The following GALNTL6 variants were observed in gnomAD, a reference collection of about 807,000 sequenced individuals.
GALNTL6 encodes the protein polypeptide N-acetylgalactosaminyltransferase-like 6.
A neutral mutation model predicts 73.7 loss-of-function variants in GALNTL6; 46 were observed. The observed-to-expected ratio is 0.62, with a 90% CI of 0.49 to 0.80. The LOEUF (loss-of-function observed/expected upper bound fraction) is 0.80, where lower values mean the gene tolerates loss of function less well. GALNTL6 is among the 30% of genes least tolerant of loss of function. The pLI, the probability that GALNTL6 is intolerant of heterozygous loss-of-function variation, is 0.00. For missense variants in GALNTL6, 604 were observed against 755.0 expected (o/e 0.80, Z 2.34); for synonymous variants, 259 against 263.7 (o/e 0.98, Z 0.17).
chr4:171,884,549 A>G (rs2110916637), intron 2 of GALNTL6, among the ~76,000 whole-genome samples: 1 of 151,688 alleles, frequency 6.6e-6, no homozygotes, highest in African/African-American at 2.4e-5. Context: ...ATATAACTAT[A>G]TATGTAGTTG....
intron 2 of GALNTL6, among the ~76,000 whole-genome samples, chr4:172,063,043 T>C (rs57381936): frequency 0.088 from 13,402 of 152,272 alleles, 734 homozygotes; most frequent in East Asian, 0.24. Context: ...CTACCAGCTG[T>C]TGGCACCAGA....
At chr4:172,826,745 A>G (rs2111040825) in intron 7 of GALNTL6, among the ~76,000 whole-genome samples, 1 of 152,328 alleles carries the variant, frequency 6.6e-6, no homozygotes, top group South Asian at 2.1e-4. Flanking sequence ...ATCTCAGGTC[A>G]CTGGACAGCA....
At chr4:172,382,607 G>A (rs895923125) in intron 5 of GALNTL6, among the ~76,000 whole-genome samples, 23 of 151,994 alleles carry the variant, frequency 1.5e-4, no homozygotes, top group African/African-American at 5.1e-4. Context: ...TTTTGATAAA[G>A]TTCAATTTCC....
rs192217839 is a variant in GALNTL6 at position 172,492,839 on chromosome 4, G to A, written c.553+144150G>A. On this transcript the variant is annotated intron_variant, in intron 5 of 12. Coordinates refer to ENST00000506823, the MANE Select transcript of GALNTL6 (RefSeq NM_001034845.3). ...TTTTAATCTTATTTATTAAATAAAA[G>A]TCATGGTTGGGGAAGTACGTTTATC... Among the ~76,000 whole-genome samples, 16 of 152,222 alleles carry A rather than the reference G, an allele frequency of 1.1e-4. No individual in the cohort carries two copies. The East Asian group carries it at 1.5e-3, about 15-fold the overall frequency.
intron 5 of GALNTL6, among the ~76,000 whole-genome samples, chr4:172,650,006 T>C (rs1427601787): frequency 6.6e-6 from 1 of 152,144 alleles, no homozygotes; most frequent in Non-Finnish European, 1.5e-5. Flanking sequence ...GCATCCTAGG[T>C]ACAGAGGTAT....
rs994011783 is a variant in GALNTL6, at chr4:171,942,241, G to GATAA, written c.138+127547_138+127550dup. 2.2e-3 allele frequency among the ~76,000 whole-genome samples: 67 copies of GATAA among 30,204 alleles called. No individual in the cohort carries two copies. In the South Asian group the frequency reaches 0.03, roughly 14 times the overall value. 19.8% of individuals were successfully genotyped at this position (30,204 alleles called of 152,430 possible). A position where few individuals can be genotyped will look rare whatever the true frequency, so the allele number is the denominator to read the frequency against. ...CCCGGTCTCCAATAAAAAATAAATA[G>GATAA]ATAAATAAATAAATAAATAAATAAA... On this transcript the variant is annotated intron_variant, in intron 2 of 12. Transcript: ENST00000506823.
intron 9 of GALNTL6, among the ~76,000 whole-genome samples, chr4:172,951,069 G>C (rs1749420357): frequency 6.6e-6 from 1 of 152,180 alleles, no homozygotes; most frequent in Non-Finnish European, 1.5e-5. Flanking sequence ...CCACAGAAGA[G>C]TTCCATTAAT....
intron 2 of GALNTL6, among the ~76,000 whole-genome samples, chr4:171,910,025 C>T (rs1202228518): frequency 1.3e-5 from 2 of 152,052 alleles, no homozygotes; most frequent in Non-Finnish European, 2.9e-5. Flanking sequence ...AATATGAATA[C>T]ATGAATAATG....
intron 5 of GALNTL6, among the ~76,000 whole-genome samples, chr4:172,616,957 T>C (rs886615999): frequency 6.6e-6 from 1 of 152,176 alleles, no homozygotes; most frequent in Non-Finnish European, 1.5e-5. Context: ...AGGGACCTCT[T>C]ACCTTTATTC....
At chr4:172,905,880 C>G (rs114055369) in intron 8 of GALNTL6, among the ~76,000 whole-genome samples, 1 of 113,568 alleles carries the variant, frequency 8.8e-6, no homozygotes, top group Middle Eastern at 6.5e-3. Context: ...TTATCCTTAA[C>G]AAAACTGGAA....
At chr4:172,429,567 G>A (rs938488045) in intron 5 of GALNTL6, among the ~76,000 whole-genome samples, 1 of 152,116 alleles carries the variant, frequency 6.6e-6, no homozygotes, top group Admixed American at 6.6e-5. Context: ...CAAAACTAGA[G>A]CATAGCAGAC....
intron 2 of GALNTL6, among the ~76,000 whole-genome samples, chr4:171,880,208 G>A (rs1736399542): frequency 6.6e-6 from 1 of 152,088 alleles, no homozygotes. Context: ...ACCTCCTCTT[G>A]TTCAGCCTGA....
chr4:172,367,069 G>T (rs962106764), intron 5 of GALNTL6, among the ~76,000 whole-genome samples: 3 of 152,150 alleles, frequency 2.0e-5, no homozygotes, highest in African/African-American at 7.2e-5. Flanking sequence ...AGTGGTGGTG[G>T]TCCCCAAACC....
chr4:172,044,399 T>C (rs1197135366), intron 2 of GALNTL6, among the ~76,000 whole-genome samples: 1 of 151,902 alleles, frequency 6.6e-6, no homozygotes, highest in Non-Finnish European at 1.5e-5. Context: ...TTGTTTATAT[T>C]TTTGGTGTTA....
chr4:172,570,990 G>A (rs550027353), intron 5 of GALNTL6, among the ~76,000 whole-genome samples: 1 of 152,122 alleles, frequency 6.6e-6, no homozygotes, highest in Admixed American at 6.5e-5. Context: ...TTGACAGGAG[G>A]TGGAGCTCAG....
chr4:171,823,602 T>G (rs1195348074), intron 2 of GALNTL6, among the ~76,000 whole-genome samples: 1 of 151,192 alleles, frequency 6.6e-6, no homozygotes, highest in African/African-American at 2.4e-5. Context: ...TATATATATA[T>G]ATTATAGATG....
chr4:172,397,496 G>A (rs1174258405), intron 5 of GALNTL6, among the ~76,000 whole-genome samples: 2 of 152,082 alleles, frequency 1.3e-5, no homozygotes, highest in East Asian at 3.9e-4. Context: ...CACCTTATGT[G>A]AGCTGTACAT....
chr4:172,529,700 G>T (rs1418389561), intron 5 of GALNTL6, among the ~76,000 whole-genome samples: 1 of 149,992 alleles, frequency 6.7e-6, no homozygotes, highest in African/African-American at 2.5e-5. Flanking sequence ...TGTTGTTGTT[G>T]TTGAGATGGA....
intron 2 of GALNTL6, among the ~76,000 whole-genome samples, chr4:171,926,095 G>T (rs1002479678): frequency 6.6e-6 from 1 of 151,988 alleles, no homozygotes; most frequent in Non-Finnish European, 1.5e-5. Context: ...TTTATCGAAA[G>T]ACATAAAACA....
Sources: gnomAD v4.1 joint callset for allele counts (sites outside exome capture counted in the v4.1 genomes callset) on GRCh38, gnomAD v4.1.1 for gene constraint, MANE v1.5 for transcripts, NCBI Gene and HGNC (gene_info 2026-07-23, HGNC 2026-07-21) for gene names.